Variants in VWCE observed in about 807,000 individuals in gnomAD.
The protein encoded by VWCE is von Willebrand factor C and EGF domain-containing protein.
In VWCE, 68 loss-of-function variants were observed where a neutral mutation model predicts 102.9. That is an observed-to-expected ratio of 0.66 (90% CI 0.54 to 0.81). The LOEUF (loss-of-function observed/expected upper bound fraction) is 0.81, where lower values mean the gene tolerates loss of function less well. Ranked by LOEUF, VWCE falls within the 30% of genes least tolerant of loss-of-function variation. VWCE has a pLI of 0.00. For synonymous variants in VWCE, 497 were observed against 515.4 expected, an observed-to-expected ratio of 0.96 and a Z score of 0.48; for missense variants, 1,137 against 1,263.6, an observed-to-expected ratio of 0.90 and a Z score of 1.52.
chr11:61,290,383 C>G (rs1029199971), intron 4 of VWCE, among the ~76,000 whole-genome samples: 16 of 151,860 alleles, frequency 1.1e-4, no homozygotes, highest in African/African-American at 3.9e-4. Context: ...GTGGTGGCAC[C>G]CGCCTGTAAT....
At chr11:61,286,576 A>T (rs1855335780) in intron 4 of VWCE, 146 bp from the exon 5 acceptor site, 1 of 673,318 alleles carries the variant, frequency 1.5e-6, no homozygotes, top group African/African-American at 1.8e-5. Flanking sequence ...GCCGAGGCCC[A>T]TGGATCACCA....
In VWCE at chr11:61,281,021, C is replaced by T. The variant is rs1343186419; in HGVS notation, c.1002G>A (p.Val334=). The change falls in exon 8 of 20, where the codon GTG becomes GTA. Residue 334 remains valine, a synonymous_variant. Transcript: ENST00000335613. ...TGGCCAGCAGGGTGGACAGCAGCCACACAGGGGCAGAAGGGGAGGATGTGG... is the reference window on the plus strand; with the variant it reads ...TGGCCAGCAGGGTGGACAGCAGCCATACAGGGGCAGAAGGGGAGGATGTGG... The part of the protein sequence containing the change: ...RLPTSSPSAP[V]WLLSTLLATP... 3 of 1,570,078 alleles carry T rather than the reference C, an allele frequency of 1.9e-6. No individual in the cohort carries two copies. In the African/African-American group the frequency reaches 4.1e-5, roughly 21 times the overall value.
At chr11:61,267,617 C>G in intron 15 of VWCE, 73 bp from the exon 16 acceptor site, 1 of 1,453,544 alleles carries the variant, frequency 6.9e-7, no homozygotes, top group Non-Finnish European at 9.7e-7. Flanking sequence ...GGGCCAAGGT[C>G]ACAGGCTTAT....
In VWCE at chr11:61,271,748, T is replaced by A. The variant is rs369875890; in HGVS notation, c.1712A>T (p.Asp571Val). 26 of 1,613,368 alleles carry A rather than the reference T, an allele frequency of 1.6e-5. No homozygotes were observed. Among genetic ancestry groups the A allele is most frequent in the Non-Finnish European group, 2.1e-5 (25 of 1,179,716 alleles). Reference sequence around the variant, plus strand: ...AATCGGAAACTCAACCCCGTTGTCGTCAAGAGAGCAGCCTGGATGAGGACA... The same window carrying A: ...AATCGGAAACTCAACCCCGTTGTCGACAAGAGAGCAGCCTGGATGAGGACA... ...EPTPSTGCSLDDNGVEFPIGQ... is the reference protein window; with the variant it reads ...EPTPSTGCSLVDNGVEFPIGQ... The change falls in exon 14 of 20, where the codon GAC becomes GTC. Residue 571 changes from aspartate (D) to valine (V), a missense_variant. Around this residue, in one of 5 missense-constraint regions of VWCE, gnomAD observed 212 missense variants for 235.1 expected, o/e 0.90. Transcript: ENST00000335613.
Position 61,295,127 on chromosome 11 carries a change from G to T in VWCE, c.-90C>A. The stretch of plus-strand genomic sequence containing the variant: ...GCCGGCCCTCGCCCCTCCTCCTGGC[G>T]CCGTGGGGAGCGAACCAGCGATCCC... On this transcript the variant is annotated 5_prime_UTR_variant, in exon 1 of 20. Transcript: ENST00000335613. The surrounding 1 kb of genome is among the most constrained non-coding windows in gnomAD (Gnocchi z 4.6). 1 of 772,162 alleles carries T rather than the reference G, an allele frequency of 1.3e-6. No homozygotes were observed. The highest frequency in any genetic ancestry group is 1.8e-6 in the Non-Finnish European group (1 of 559,552). The allele number at this position is 772,162 out of a possible 1,614,324, so 47.8% of individuals were successfully genotyped here. A position where few individuals can be genotyped will look rare whatever the true frequency, so the allele number is the denominator to read the frequency against.
chr11:61,280,080 G>A (rs1001645152), intron 9 of VWCE, among the ~76,000 whole-genome samples: 3 of 152,114 alleles, frequency 2.0e-5, no homozygotes, highest in East Asian at 1.9e-4. Flanking sequence ...AGCAAGTTTC[G>A]AGAAGCTCTG....
chr11:61,271,640 G>A, intron 14 of VWCE, 35 bp downstream of exon 14: 1 of 1,579,376 alleles, frequency 6.3e-7, no homozygotes. Context: ...GGGCAGCCAG[G>A]TAAAGCAGCT....
intron 7 of VWCE, 144 bp downstream of exon 7, chr11:61,281,642 G>C (rs1855139022): frequency 8.7e-7 from 1 of 1,144,248 alleles, no homozygotes; most frequent in East Asian, 2.8e-5. Context: ...GCGGGGCCGG[G>C]GTAGGGCGGG....
chr11:61,286,195 G>T, intron 5 of VWCE, 119 bp downstream of exon 5: 1 of 977,334 alleles, frequency 1.0e-6, no homozygotes, highest in Non-Finnish European at 1.6e-6. Context: ...CGAAGCCGGT[G>T]GTGAAGGTTC....
chr11:61,269,067 C>A, intron 14 of VWCE, 49 bp from the exon 15 acceptor site: 1 of 1,564,418 alleles, frequency 6.4e-7, no homozygotes, highest in East Asian at 2.3e-5. Context: ...ACACCGGCCC[C>A]TGCCTCCCCG....
At chr11:61,269,052 C>A in intron 14 of VWCE, 34 bp from the exon 15 acceptor site, 1 of 1,594,082 alleles carries the variant, frequency 6.3e-7, no homozygotes, top group Non-Finnish European at 8.6e-7. Context: ...AAGACCCCAC[C>A]GGTGACACCG....
chr11:61,281,713 A>C (rs1855142115), intron 7 of VWCE, 73 bp downstream of exon 7: 2 of 1,418,790 alleles, frequency 1.4e-6, no homozygotes, highest in East Asian at 2.8e-5. Context: ...GGGCCAGGCT[A>C]TGGGGGGGCG....
chr11:61,280,750 A>C (rs753432588), intron 8 of VWCE, 33 bp from the exon 9 acceptor site: 1 of 1,613,482 alleles, frequency 6.2e-7, no homozygotes, highest in Admixed American at 1.7e-5. Context: ...GAGCCACCAC[A>C]AGGCCCCAGA....
At position 61,258,726 on chromosome 11, in the gene VWCE, G is replaced by A. The variant is rs1461367087; in HGVS notation, c.2817C>T (p.Gly939=). The A allele has an allele frequency of 3.6e-6, 5 of 1,398,450 alleles. No individual in the cohort carries two copies. In the African/African-American group the frequency reaches 4.4e-5, roughly 12 times the overall value. 86.6% of individuals were successfully genotyped at this position (1,398,450 alleles called of 1,614,324 possible). ...AAGCCCCCACTGGGGGCTGCTGGGG[G>A]CCAGGGTGGGTGGTGGCTGCAAGGG... ...STALAATTHP[G]PQQPPVGASR... is the part of the protein sequence containing the mutation. Residue 939 remains glycine, a synonymous_variant, in exon 20 of 20, where the codon GGC becomes GGT. Coordinates refer to ENST00000335613, the MANE Select transcript of VWCE (RefSeq NM_152718.2).
chr11:61,258,942 T>C lies in VWCE; in HGVS notation c.2601A>G (p.Pro867=). Residue 867 remains proline (P), a synonymous_variant, in exon 20 of 20, where the codon CCA becomes CCG. Transcript: ENST00000335613. ...LPLASPGAPQ[P]PPVTPERSFS... ...ACGAGCGCTCTGGAGTCACAGGAGG[T>C]GGCTGAGGAGCCCCTGGGGAAGCTA... The C allele has an allele frequency of 2.6e-6, 4 of 1,559,964 alleles. No individual in the cohort carries two copies. Among genetic ancestry groups the C allele is most frequent in the Non-Finnish European group, 3.5e-6 (4 of 1,155,358 alleles).
Position 61,258,986 on chromosome 11 carries a change from C to T in VWCE, c.2557G>A (p.Gly853Arg). 1 of 1,609,410 alleles carries T rather than the reference C, an allele frequency of 6.2e-7. No individual in the cohort carries two copies. Among genetic ancestry groups the T allele is most frequent in the Non-Finnish European group, 8.5e-7 (1 of 1,177,668 alleles). The change falls in exon 20 of 20, where the codon GGA (glycine) becomes AGA (arginine). Residue 853 changes from glycine (G) to arginine (R), a missense_variant. Physicochemically the swap from Gly to Arg is moderately radical, Grantham distance 125. Coordinates refer to ENST00000335613, the MANE Select transcript of VWCE (RefSeq NM_152718.2). The stretch of plus-strand genomic sequence containing the variant: ...GAAGCTAGAGGTAGAGTGGGGGCTC[C>T]TGGAGGGGTCGAAGGCCCTGGTGAG... ...RLSPGPSTPP[G>R]APTLPLASPG...
intron 16 of VWCE, among the ~76,000 whole-genome samples, chr11:61,266,809 G>A (rs1854525956): frequency 6.6e-6 from 1 of 152,170 alleles, no homozygotes; most frequent in African/African-American, 2.4e-5. Flanking sequence ...TGAAGGGCGT[G>A]GCACACTGCA....
chr11:61,282,570 T>C (rs1440161314), intron 6 of VWCE: 1 of 527,696 alleles, frequency 1.9e-6, no homozygotes, highest in Non-Finnish European at 3.4e-6. Context: ...CATAACAGGA[T>C]GAAAGTGGCA....
In VWCE at chr11:61,259,085, C is replaced by T. The variant is rs772430267; in HGVS notation, c.2458G>A (p.Ala820Thr). The T allele has an allele frequency of 6.2e-7, 1 of 1,614,014 alleles. No homozygotes were observed. Among genetic ancestry groups the T allele is most frequent in the Non-Finnish European group, 8.5e-7 (1 of 1,179,922 alleles). ...TQTLPTSPAG[A>T]HGPHSLALGL... ...AAAGCGAGTGAGTGTGGACCATGAG[C>T]TCCTGCCGGGCTTGTAGGTAAAGTC... Residue 820 changes from alanine (A) to threonine (T), a missense_variant, in exon 20 of 20, where the codon GCT becomes ACT. By Grantham distance (58) the Ala-to-Thr change is moderately conservative. This residue lies in a region of VWCE where 316 missense variants were observed against 319.3 expected (regional missense o/e 0.99). Transcript: ENST00000335613.
Sources: allele counts gnomAD v4.1 joint callset (sites outside exome capture counted in the v4.1 genomes callset), GRCh38; gene constraint gnomAD v4.1.1; regional missense constraint gnomAD v4.1.1; non-coding constraint Gnocchi (gnomAD v3.1); transcripts MANE v1.5; gene names NCBI Gene and HGNC (gene_info 2026-07-23, HGNC 2026-07-21).